Variants in RNF144A observed in about 807,000 individuals in gnomAD.
RNF144A encodes E3 ubiquitin-protein ligase RNF144A.
In RNF144A, 11 loss-of-function variants were observed where a neutral mutation model predicts 38.7. The observed-to-expected ratio is 0.28, with a 90% CI of 0.18 to 0.47. The LOEUF is 0.47. Among genes scored for constraint, RNF144A ranks in the 20% least tolerant of loss-of-function variants. The pLI, the probability that RNF144A is intolerant of heterozygous loss-of-function variation, is 0.99. For synonymous variants in RNF144A, 149 were observed against 143.9 expected (o/e 1.04, Z -0.25); for missense variants, 316 against 377.2 (o/e 0.84, Z 1.34).
At chr2:6,931,804 T>C (rs1665224095) in intron 1 of RNF144A, among the ~76,000 whole-genome samples, 1 of 152,220 alleles carries the variant, frequency 6.6e-6, no homozygotes. Context: ...CTTTGTATGA[T>C]TTTTGTTTTT....
At chr2:6,981,663 G>A (rs1248753421) in intron 2 of RNF144A, among the ~76,000 whole-genome samples, 1 of 152,136 alleles carries the variant, frequency 6.6e-6, no homozygotes, top group Admixed American at 6.5e-5. Context: ...CATTCAACAA[G>A]TCTCTAGGAA....
At chr2:6,930,527 A>C (rs1665138455) in intron 1 of RNF144A, among the ~76,000 whole-genome samples, 2 of 152,154 alleles carry the variant, frequency 1.3e-5, no homozygotes, top group South Asian at 4.1e-4. Flanking sequence ...CTATGGGTAT[A>C]TATATAATAT....
At chr2:6,986,981 A>G (rs1043808493) in intron 2 of RNF144A, among the ~76,000 whole-genome samples, 2 of 152,090 alleles carry the variant, frequency 1.3e-5, no homozygotes, top group African/African-American at 4.8e-5. Flanking sequence ...TATCTGGGCA[A>G]ATACATTAGT....
chr2:6,925,947 T>G (rs1406162030), intron 1 of RNF144A, among the ~76,000 whole-genome samples: 2 of 152,226 alleles, frequency 1.3e-5, no homozygotes, highest in Admixed American at 6.5e-5. Context: ...GGCATAGTGT[T>G]TGTTTGTGTT....
At chr2:6,930,932 A>G (rs978262727) in intron 1 of RNF144A, among the ~76,000 whole-genome samples, 1 of 152,222 alleles carries the variant, frequency 6.6e-6, no homozygotes, top group East Asian at 1.9e-4. Flanking sequence ...ACCTTATGTC[A>G]TAAGTGGACA....
At chr2:6,952,852 C>T (rs1295712236) in intron 2 of RNF144A, among the ~76,000 whole-genome samples, 1 of 151,988 alleles carries the variant, frequency 6.6e-6, no homozygotes, top group Non-Finnish European at 1.5e-5. Flanking sequence ...TTTTAAATCT[C>T]TTCTATTATT....
At chr2:6,925,855 A>C (rs987962504) in intron 1 of RNF144A, among the ~76,000 whole-genome samples, 10 of 152,184 alleles carry the variant, frequency 6.6e-5, no homozygotes, top group Non-Finnish European at 1.0e-4. Context: ...GACATGATTC[A>C]ACACACACGT....
Position 7,040,601 on chromosome 2 carries a change from G to A in RNF144A, c.*841G>A, listed in dbSNP as rs932038417. ...CCTTCTCTCCCAGGTAGCAGAAAACGCTTTTTATTGTATTCAATCCCACTG... is the reference window on the plus strand; with the variant it reads ...CCTTCTCTCCCAGGTAGCAGAAAACACTTTTTATTGTATTCAATCCCACTG... On this transcript the variant is annotated 3_prime_UTR_variant, in exon 9 of 9. Transcript: ENST00000320892. 1.1e-5 allele frequency: 11 copies of A among 985,202 alleles called. No individual in the cohort carries two copies. The highest frequency in any genetic ancestry group is 6.2e-5 in the Admixed American group (1 of 16,260). The allele number at this position is 985,202 out of a possible 1,614,324, so 61.0% of individuals were successfully genotyped here. A position where few individuals can be genotyped will look rare whatever the true frequency, so the allele number is the denominator to read the frequency against.
In RNF144A at chr2:7,043,781, G is replaced by A; in HGVS notation, c.*4021G>A. ...GTCTTCCACAGTTCCGGAGCCTTCA[G>A]TGAGGGGTAGCTACATGCCCCATGC... On this transcript the variant is annotated 3_prime_UTR_variant, in exon 9 of 9. Coordinates refer to ENST00000320892, the MANE Select transcript of RNF144A (RefSeq NM_014746.6). 1 of 985,874 alleles carries A rather than the reference G, an allele frequency of 1.0e-6. No individual in the cohort carries two copies. The highest frequency in any genetic ancestry group is 1.2e-6 in the Non-Finnish European group (1 of 829,946). 61.1% of individuals were successfully genotyped at this position (985,874 alleles called of 1,614,324 possible). A position where few individuals can be genotyped will look rare whatever the true frequency, so the allele number is the denominator to read the frequency against.
At chr2:7,003,115 A>G (rs892810991) in intron 3 of RNF144A, among the ~76,000 whole-genome samples, 1 of 151,046 alleles carries the variant, frequency 6.6e-6, no homozygotes, top group Non-Finnish European at 1.5e-5. Context: ...ACACATATAT[A>G]TATTTGTACA....
At chr2:6,933,778 T>A (rs1021066381) in intron 1 of RNF144A, among the ~76,000 whole-genome samples, 1 of 152,146 alleles carries the variant, frequency 6.6e-6, no homozygotes, top group Non-Finnish European at 1.5e-5. Context: ...AGTGTGACTT[T>A]TTCTTTGCTG....
intron 6 of RNF144A, among the ~76,000 whole-genome samples, chr2:7,062,423 C>T (rs1473176725): frequency 6.7e-6 from 1 of 149,408 alleles, no homozygotes; most frequent in Non-Finnish European, 1.5e-5. Flanking sequence ...CTGCAAAGAC[C>T]CATTGCAAAG....
At chr2:7,049,707 A>T (rs1673443410) in intron 6 of RNF144A, among the ~76,000 whole-genome samples, 1 of 152,250 alleles carries the variant, frequency 6.6e-6, no homozygotes, top group African/African-American at 2.4e-5. Flanking sequence ...CAACATATTA[A>T]TGAAACTTGC....
intron 5 of RNF144A, among the ~76,000 whole-genome samples, chr2:7,019,832 T>A (rs1338381775): frequency 6.6e-6 from 1 of 152,246 alleles, no homozygotes; most frequent in Admixed American, 6.5e-5. Context: ...CTTAGAAATG[T>A]GTGCTGTGAT....
chr2:7,010,108 A>G (rs935672392), intron 3 of RNF144A, among the ~76,000 whole-genome samples: 6 of 152,272 alleles, frequency 3.9e-5, no homozygotes, highest in African/African-American at 1.2e-4. Context: ...TGATGGCTCT[A>G]GAAAGGCTGA....
rs561307163 is a variant in RNF144A at position 6,989,383 on chromosome 2, G to A, written c.-11-7533G>A. 2.6e-5 allele frequency among the ~76,000 whole-genome samples: 4 copies of A among 152,294 alleles called. No individual in the cohort carries two copies. The South Asian group carries it at 8.3e-4, about 32-fold the overall frequency. On this transcript the variant is annotated intron_variant, in intron 2 of 8. Transcript: ENST00000320892. ...TTATTTTTTCCATTCCAGTGTAAAG[G>A]GATAGTGGCTTCAGAACTGTTAACT...
chr2:6,986,890 C>T (rs950876435), intron 2 of RNF144A, among the ~76,000 whole-genome samples: 1 of 152,100 alleles, frequency 6.6e-6, no homozygotes, highest in Non-Finnish European at 1.5e-5. Flanking sequence ...ATGATCCAAA[C>T]ATCCCCCCTT....
chr2:6,968,208 C>T (rs1667789782), intron 2 of RNF144A, among the ~76,000 whole-genome samples: 1 of 152,216 alleles, frequency 6.6e-6, no homozygotes, highest in South Asian at 2.1e-4. Flanking sequence ...CTCTGGGCCA[C>T]CCTTGAGAAG....
chr2:6,973,257 A>G (rs1258124105), intron 2 of RNF144A, among the ~76,000 whole-genome samples: 1 of 152,222 alleles, frequency 6.6e-6, no homozygotes, highest in African/African-American at 2.4e-5. Context: ...ACTTTTCAGT[A>G]TAGGATGTTG....
Sources: allele counts gnomAD v4.1 joint callset (sites outside exome capture counted in the v4.1 genomes callset), GRCh38; gene constraint gnomAD v4.1.1; transcripts MANE v1.5; gene names NCBI Gene and HGNC (gene_info 2026-07-23, HGNC 2026-07-21).